IL16: variants seen among roughly 807,000 people sequenced by gnomAD.
IL16 encodes the protein pro-interleukin-16.
IL16 carries 67 observed loss-of-function variants against 110.1 expected under a neutral mutation model. The ratio of observed to expected loss-of-function variants is 0.61; its 90% CI spans 0.50 to 0.75. IL16 has a LOEUF of 0.75. Ranked by LOEUF, IL16 falls within the 30% of genes least tolerant of loss-of-function variation. IL16 has a pLI of 0.00. For missense variants in IL16, 1,545 were observed against 1,655.0 expected (o/e 0.93, Z 1.15); for synonymous variants, 689 against 662.9 (o/e 1.04, Z -0.61).
At chr15:81,234,392 C>T (rs1396794385) in intron 2 of IL16, among the ~76,000 whole-genome samples, 1 of 152,068 alleles carries the variant, frequency 6.6e-6, no homozygotes, top group Non-Finnish European at 1.5e-5. Context: ...TCCATTTCCC[C>T]TATGATTAGC....
chr15:81,209,016 G>C (rs933675759), intron 1 of IL16, among the ~76,000 whole-genome samples: 11 of 152,308 alleles, frequency 7.2e-5, no homozygotes, highest in Admixed American at 2.0e-4. Context: ...CATAGTAATT[G>C]CTTGATAAAT....
At chr15:81,305,220 G>A (rs1900490347) in intron 16 of IL16, among the ~76,000 whole-genome samples, 1 of 152,190 alleles carries the variant, frequency 6.6e-6, no homozygotes, top group South Asian at 2.1e-4. Context: ...ATGCAGATTT[G>A]CATTGTAGAC....
rs181311575 is a variant in IL16 at position 81,285,029 on chromosome 15, G to A, written c.1200-669G>A. ...ATTTCCCTATCTAGGTCGGGAAGGG[G>A]ACTGGATTATACAAATCTTCCATGT... On this transcript the variant is annotated intron_variant, in intron 9 of 18. Transcript: ENST00000683961. Among the ~76,000 whole-genome samples the A allele has an allele frequency of 2.5e-3, 378 of 152,132 alleles. 2 individuals are homozygous for A. Among genetic ancestry groups the A allele is most frequent in the African/African-American group, 8.2e-3 (342 of 41,508 alleles).
chr15:81,245,579 A>T (rs1897510107), intron 2 of IL16, among the ~76,000 whole-genome samples: 1 of 115,564 alleles, frequency 8.7e-6, no homozygotes, highest in Non-Finnish European at 1.8e-5. Context: ...CCTGGGAAAG[A>T]TGGAAGTCTA....
At chr15:81,290,360 A>G (rs184897776) in intron 10 of IL16, 93 bp from the exon 11 acceptor site, 1 of 744,980 alleles carries the variant, frequency 1.3e-6, no homozygotes, top group East Asian at 2.7e-5. Flanking sequence ...ATAATTTAGA[A>G]TCCAGTGGCC....
At position 81,299,922 on chromosome 15, in the gene IL16, CCCT is replaced by C. The variant is rs758672325; in HGVS notation, c.2601_2603del (p.Ser868del). 1.2e-6 allele frequency: 2 copies of C among 1,613,468 alleles called. No homozygotes were observed. The highest frequency in any genetic ancestry group is 1.1e-5 in the South Asian group (1 of 91,080). On this transcript the variant is annotated inframe_deletion, in exon 14 of 19. Transcript: ENST00000683961. ...AGGAGCCCAGAGACTGAGCCTCCAG[CCCT>C]CCTCTGGGGAGGCAGCAAAACCTCT...
chr15:81,195,618 C>T (rs1020320040), upstream of IL16, among the ~76,000 whole-genome samples: 1 of 152,196 alleles, frequency 6.6e-6, no homozygotes, highest in Non-Finnish European at 1.5e-5. Context: ...GCGGCTAGAT[C>T]TTTGCAGCCT....
At chr15:81,282,414 C>T (rs1479207356) in intron 8 of IL16, among the ~76,000 whole-genome samples, 2 of 152,218 alleles carry the variant, frequency 1.3e-5, no homozygotes, top group Non-Finnish European at 1.5e-5. Flanking sequence ...TTCCCTTCCT[C>T]CCTCCTTCGC....
Position 81,292,690 on chromosome 15 carries a change from G to T in IL16, c.1555G>T (p.Gly519Trp). 2 of 1,614,162 alleles carry T rather than the reference G, an allele frequency of 1.2e-6. No individual in the cohort carries two copies. The highest frequency in any genetic ancestry group is 1.7e-6 in the Non-Finnish European group (2 of 1,180,020). ...CAGCAGTGACAGCAGCTACATGTCTGGGTCCCCAGGGGGAAGTCCTGGGAG... is the reference window on the plus strand; with the variant it reads ...CAGCAGTGACAGCAGCTACATGTCTTGGTCCCCAGGGGGAAGTCCTGGGAG... ...RSSSDSSYMS[G>W]SPGGSPGSGS... Residue 519 changes from glycine (G) to tryptophan (W), a missense_variant, in exon 12 of 19, where the codon GGG becomes TGG. Around this residue, in one of 3 missense-constraint regions of IL16, gnomAD observed 1,185 missense variants for 1,238.8 expected, o/e 0.96. Coordinates refer to ENST00000683961, the MANE Select transcript of IL16 (RefSeq NM_172217.5).
chr15:81,238,808 C>T (rs1321963576), intron 2 of IL16, among the ~76,000 whole-genome samples: 1 of 149,658 alleles, frequency 6.7e-6, no homozygotes, highest in African/African-American at 2.5e-5. Context: ...GGTAGGCCTG[C>T]TAGCAATGAA....
intron 1 of IL16, chr15:81,183,021 G>C: frequency 2.0e-6 from 1 of 488,456 alleles, no homozygotes; most frequent in South Asian, 1.6e-5. Context: ...TAGTATATGA[G>C]TGAGTGTGTG....
At chr15:81,216,562 A>G (rs747716325) in intron 1 of IL16, among the ~76,000 whole-genome samples, 56 of 152,140 alleles carry the variant, frequency 3.7e-4, no homozygotes, top group Non-Finnish European at 6.8e-4. Flanking sequence ...TCCTGGCTGC[A>G]TGTAGTCGGC....
In IL16 at chr15:81,288,989, A is replaced by G. The variant is rs551408373; in HGVS notation, c.1333-1464A>G. On this transcript the variant is annotated intron_variant, in intron 10 of 18. Coordinates refer to ENST00000683961, the MANE Select transcript of IL16 (RefSeq NM_172217.5). ...ATACTGACTTCCCTTCTTTTAGGGTATATACCCAGAAGTGGAATTGCTGGG... is the reference window on the plus strand; with the variant it reads ...ATACTGACTTCCCTTCTTTTAGGGTGTATACCCAGAAGTGGAATTGCTGGG... Among the ~76,000 whole-genome samples the G allele has an allele frequency of 2.0e-5, 3 of 152,266 alleles. No individual in the cohort carries two copies. The South Asian group carries it at 6.2e-4, about 32-fold the overall frequency.
At chr15:81,232,363 A>G (rs1032842993) in intron 2 of IL16, among the ~76,000 whole-genome samples, 1 of 152,144 alleles carries the variant, frequency 6.6e-6, no homozygotes, top group African/African-American at 2.4e-5. Flanking sequence ...TAAGGCCTAC[A>G]GTGCAATGTC....
chr15:81,259,392 C>T (rs1898070812), intron 2 of IL16, among the ~76,000 whole-genome samples: 1 of 152,130 alleles, frequency 6.6e-6, no homozygotes, highest in Non-Finnish European at 1.5e-5. Context: ...CTTTATTTTG[C>T]TTGTTTATTG....
intron 10 of IL16, among the ~76,000 whole-genome samples, chr15:81,288,208 G>C (rs914532337): frequency 2.0e-5 from 3 of 152,122 alleles, no homozygotes; most frequent in African/African-American, 4.8e-5. Context: ...GCATAGGGCA[G>C]AGAGAAGAGA....
At position 81,308,514 on chromosome 15, in the gene IL16, G is replaced by A. The variant is rs556624525; in HGVS notation, c.3806-91G>A. The A allele has an allele frequency of 4.8e-5, 45 of 942,204 alleles. No homozygotes were observed. The African/African-American group carries it at 7.5e-4, about 16-fold the overall frequency. 58.4% of individuals were successfully genotyped at this position (942,204 alleles called of 1,614,324 possible). Reference sequence around the variant, plus strand: ...GGGATGGTGCCCTGTTCTCTACCAAGCTATCCTGGCTCTTTGGAGATCAAG... The same window carrying A: ...GGGATGGTGCCCTGTTCTCTACCAAACTATCCTGGCTCTTTGGAGATCAAG... On this transcript the variant is annotated intron_variant, in intron 18 of 18. Coordinates refer to ENST00000683961, the MANE Select transcript of IL16 (RefSeq NM_172217.5).
chr15:81,215,884 T>A (rs185876649), intron 1 of IL16, among the ~76,000 whole-genome samples: 10 of 152,332 alleles, frequency 6.6e-5, no homozygotes, highest in Admixed American at 6.5e-4. Context: ...AATCCATGGT[T>A]GGATTCTGGC....
rs181602378 is a variant in IL16 at position 81,259,756 on chromosome 15, G to A, written c.313-16G>A. ...ATTCTAACTTGCTGAATAAAAAGACGGCAATTGTTTTGCAGGAATCTTCCA... is the reference window on the plus strand; with the variant it reads ...ATTCTAACTTGCTGAATAAAAAGACAGCAATTGTTTTGCAGGAATCTTCCA... On this transcript the variant is annotated splice_polypyrimidine_tract_variant and intron_variant, in intron 2 of 18. Transcript: ENST00000683961. 32 of 1,575,760 alleles carry A rather than the reference G, an allele frequency of 2.0e-5. No individual in the cohort carries two copies. In the African/African-American group the frequency reaches 3.1e-4, roughly 15 times the overall value.
Sources: gnomAD v4.1 joint callset for allele counts (sites outside exome capture counted in the v4.1 genomes callset) on GRCh38, gnomAD v4.1.1 for gene constraint, gnomAD v4.1.1 regional missense constraint, MANE v1.5 for transcripts, NCBI Gene and HGNC (gene_info 2026-07-23, HGNC 2026-07-21) for gene names.